Variants in NLK observed in about 807,000 individuals in gnomAD.
The protein encoded by NLK is nemo like kinase.
In NLK, 11 loss-of-function variants were observed where a neutral mutation model predicts 59.0. That is an observed-to-expected ratio of 0.19 (90% CI 0.12 to 0.31). The LOEUF (loss-of-function observed/expected upper bound fraction) is 0.31, where lower values mean the gene tolerates loss of function less well. NLK is among the 10% of genes least tolerant of loss of function. NLK has a pLI of 1.00. For synonymous variants in NLK, 235 were observed against 235.9 expected (o/e 1.00, Z 0.03); for missense variants, 410 against 661.1 (o/e 0.62, Z 4.16).
At chr17:28,044,503 A>G (rs1004926819) in intron 1 of NLK, among the ~76,000 whole-genome samples, 5 of 152,208 alleles carry the variant, frequency 3.3e-5, no homozygotes, top group African/African-American at 9.7e-5. Flanking sequence ...TTTTAAAAAA[A>G]CTAGTAGAGT....
At chr17:28,125,766 T>G (rs1250433841) in intron 2 of NLK, among the ~76,000 whole-genome samples, 1 of 152,168 alleles carries the variant, frequency 6.6e-6, no homozygotes, top group Non-Finnish European at 1.5e-5. Context: ...ATGTAAGGAG[T>G]GCGGTGCTAG....
chr17:28,100,628 T>C (rs1023390420), intron 1 of NLK, among the ~76,000 whole-genome samples: 1 of 152,210 alleles, frequency 6.6e-6, no homozygotes, highest in Admixed American at 6.5e-5. Flanking sequence ...TGTAGGTGTT[T>C]TAAAATAGTG....
At chr17:28,167,020 G>A (rs1597719339) in intron 5 of NLK, among the ~76,000 whole-genome samples, 1 of 152,190 alleles carries the variant, frequency 6.6e-6, no homozygotes, top group South Asian at 2.1e-4. Flanking sequence ...ATAGGTACAT[G>A]TGAAGTTTGG....
intron 1 of NLK, among the ~76,000 whole-genome samples, chr17:28,068,742 T>C (rs1390564018): frequency 6.6e-6 from 1 of 152,238 alleles, no homozygotes; most frequent in Non-Finnish European, 1.5e-5. Context: ...TGCAATGGCA[T>C]GATCATAGCT....
At chr17:28,110,439 AT>A (rs1905415127) in intron 1 of NLK, among the ~76,000 whole-genome samples, 1 of 146,962 alleles carries the variant, frequency 6.8e-6, no homozygotes, top group East Asian at 2.0e-4. Flanking sequence ...TTGACTATGA[AT>A]TGTCTAGGCG....
At chr17:28,151,430 G>A (rs956595328) in intron 3 of NLK, among the ~76,000 whole-genome samples, 5 of 152,136 alleles carry the variant, frequency 3.3e-5, no homozygotes, top group South Asian at 2.1e-4. Context: ...GAAAAAAACT[G>A]CATTATTCAT....
the NLK span, among the ~76,000 whole-genome samples, chr17:28,203,162 CAT>C: frequency 1.8e-4 from 25 of 141,054 alleles, no homozygotes; most frequent in East Asian, 1.9e-3. Flanking sequence ...TATATACATA[CAT>C]ACACACACAC....
intron 3 of NLK, among the ~76,000 whole-genome samples, chr17:28,144,650 C>T (rs1165997695): frequency 2.0e-5 from 3 of 152,200 alleles, no homozygotes; most frequent in African/African-American, 7.2e-5. Context: ...TCTTGACATA[C>T]TTAATTCAGG....
At chr17:28,066,909 T>C (rs1909842931) in intron 1 of NLK, among the ~76,000 whole-genome samples, 2 of 152,238 alleles carry the variant, frequency 1.3e-5, no homozygotes, top group Admixed American at 1.3e-4. Flanking sequence ...TTTTGTAAAG[T>C]ATCTATTCAA....
chr17:28,097,903 A>T (rs1228507120), intron 1 of NLK, among the ~76,000 whole-genome samples: 4 of 152,164 alleles, frequency 2.6e-5, no homozygotes, highest in Non-Finnish European at 5.9e-5. Flanking sequence ...TTTAATAAGG[A>T]TCCTGTTCCT....
chr17:28,130,803 T>A (rs1395809391), intron 2 of NLK, among the ~76,000 whole-genome samples: 1 of 152,200 alleles, frequency 6.6e-6, no homozygotes, highest in Non-Finnish European at 1.5e-5. Flanking sequence ...ATATTCATGT[T>A]AAAAATTGTT....
chr17:28,168,422 A>G (rs377278997), intron 5 of NLK, 26 bp from the exon 6 acceptor site: 150 of 1,502,038 alleles, frequency 1.0e-4, no homozygotes, highest in Non-Finnish European at 1.4e-4. Context: ...TTGCTTGATA[A>G]TGTTTTGATT....
chr17:28,135,863 A>G (rs17792426), intron 3 of NLK, among the ~76,000 whole-genome samples: 32,943 of 152,194 alleles, frequency 0.22, 4,509 homozygotes, highest in Non-Finnish European at 0.3. Context: ...GTGCTTCTGT[A>G]AGATAAGAGT....
chr17:28,096,687 C>G (rs35093484), intron 1 of NLK, among the ~76,000 whole-genome samples: 5,780 of 152,190 alleles, frequency 0.038, 259 homozygotes, highest in East Asian at 0.24. Flanking sequence ...TAGTTTCCCA[C>G]TCCCCCATCT....
intron 10 of NLK, 77 bp from the exon 11 acceptor site, chr17:28,194,505 G>A: frequency 9.8e-7 from 1 of 1,024,846 alleles, no homozygotes; most frequent in Non-Finnish European, 1.5e-6. Context: ...AGGAAGAGAG[G>A]AAAACAGGAA....
At chr17:28,193,739 A>G (rs1222686929) in intron 10 of NLK, among the ~76,000 whole-genome samples, 1 of 152,226 alleles carries the variant, frequency 6.6e-6, no homozygotes, top group Non-Finnish European at 1.5e-5. Flanking sequence ...GACCACAGTC[A>G]AGATTTTATG....
chr17:28,115,910 A>C (rs1347893526), intron 1 of NLK, among the ~76,000 whole-genome samples: 1 of 151,742 alleles, frequency 6.6e-6, no homozygotes, highest in Non-Finnish European at 1.5e-5. Flanking sequence ...TCAGACTTAC[A>C]TTATTTTCCT....
chr17:28,151,759 T>C (rs1597712155), intron 3 of NLK, among the ~76,000 whole-genome samples: 1 of 152,316 alleles, frequency 6.6e-6, no homozygotes, highest in South Asian at 2.1e-4. Context: ...TAGCATTATT[T>C]TAAACTCTCC....
intron 1 of NLK, among the ~76,000 whole-genome samples, chr17:28,050,836 G>A (rs1909226767): frequency 6.6e-6 from 1 of 152,094 alleles, no homozygotes; most frequent in African/African-American, 2.4e-5. Flanking sequence ...CGGCCATGGT[G>A]GTTCACACCT....
Sources: gnomAD v4.1 joint callset for allele counts (sites outside exome capture counted in the v4.1 genomes callset) on GRCh38, gnomAD v4.1.1 for gene constraint, MANE v1.5 for transcripts, NCBI Gene and HGNC (gene_info 2026-07-23, HGNC 2026-07-21) for gene names.